The following RASA1 variants were observed in gnomAD, a reference collection of about 807,000 sequenced individuals.
RASA1 encodes the protein ras GTPase-activating protein 1.
In RASA1, 25 loss-of-function variants were observed where a neutral mutation model predicts 132.2. The ratio of observed to expected loss-of-function variants is 0.19; its 90% CI spans 0.14 to 0.26. The LOEUF (loss-of-function observed/expected upper bound fraction) is 0.26. RASA1 is among the 10% of genes least tolerant of loss of function. The probability of loss-of-function intolerance (pLI) is 1.00; values close to 1 mark genes in which losing one functional copy is unlikely to be tolerated. For synonymous variants in RASA1, 477 were observed against 449.9 expected, an observed-to-expected ratio of 1.06 and a Z score of -0.76; for missense variants, 964 against 1,299.2, an observed-to-expected ratio of 0.74 and a Z score of 3.97.
chr5:87,379,890 CTA>C (rs763150545), intron 19 of RASA1, 40 bp downstream of exon 19: 2 of 1,584,736 alleles, frequency 1.3e-6, no homozygotes, highest in Admixed American at 3.4e-5. Flanking sequence ...AATTGTGTAT[CTA>C]TGTCTTCAGA....
intron 1 of RASA1, among the ~76,000 whole-genome samples, chr5:87,290,943 A>C (rs1241449385): frequency 1.3e-5 from 2 of 152,212 alleles, no homozygotes; most frequent in Non-Finnish European, 2.9e-5. Context: ...TTTTGTGGCC[A>C]GAAGTTTTCA....
intron 15 of RASA1, 94 bp downstream of exon 15, chr5:87,375,010 A>G: frequency 1.4e-6 from 2 of 1,444,338 alleles, no homozygotes; most frequent in Non-Finnish European, 1.8e-6. Context: ...AATTAAAAAA[A>G]CAGAAATGCA....
intron 9 of RASA1, among the ~76,000 whole-genome samples, chr5:87,362,061 G>C (rs945378637): frequency 2.6e-5 from 4 of 152,136 alleles, no homozygotes; most frequent in African/African-American, 9.7e-5. Flanking sequence ...GAACTGTTAG[G>C]TATTTGAAGT....
At chr5:87,329,999 A>T (rs1757494846) in intron 1 of RASA1, among the ~76,000 whole-genome samples, 1 of 152,126 alleles carries the variant, frequency 6.6e-6, no homozygotes, top group African/African-American at 2.4e-5. Flanking sequence ...CTGAACTAAG[A>T]TTAGGATTTT....
At chr5:87,278,398 A>T (rs1469249347) in intron 1 of RASA1, among the ~76,000 whole-genome samples, 1 of 151,604 alleles carries the variant, frequency 6.6e-6, no homozygotes. Context: ...TACAAAAAAA[A>T]AAAAAAATTA....
At chr5:87,323,430 C>A (rs1756972418) in intron 1 of RASA1, among the ~76,000 whole-genome samples, 1 of 152,204 alleles carries the variant, frequency 6.6e-6, no homozygotes, top group African/African-American at 2.4e-5. Flanking sequence ...TGGATAATGC[C>A]TGTTCCCCTG....
intron 1 of RASA1, among the ~76,000 whole-genome samples, chr5:87,324,087 T>C (rs1467237221): frequency 6.6e-6 from 1 of 152,224 alleles, no homozygotes; most frequent in Non-Finnish European, 1.5e-5. Flanking sequence ...TAAAGTTTAC[T>C]TTTAACCTTC....
intron 6 of RASA1, among the ~76,000 whole-genome samples, chr5:87,342,642 G>A (rs963116846): frequency 2.6e-5 from 4 of 152,096 alleles, no homozygotes; most frequent in African/African-American, 9.7e-5. Context: ...AAACAACACT[G>A]TACGTGTGGT....
intron 1 of RASA1, among the ~76,000 whole-genome samples, chr5:87,324,101 C>G (rs373397154): frequency 3.9e-5 from 6 of 152,122 alleles, no homozygotes; most frequent in Non-Finnish European, 7.4e-5. Flanking sequence ...AACCTTCAGA[C>G]GTAGTGATTT....
At chr5:87,305,799 C>T (rs1755581299) in intron 1 of RASA1, among the ~76,000 whole-genome samples, 1 of 152,052 alleles carries the variant, frequency 6.6e-6, no homozygotes, top group Non-Finnish European at 1.5e-5. Flanking sequence ...GGAAAAGAAT[C>T]CATTAAAATG....
intron 18 of RASA1, among the ~76,000 whole-genome samples, chr5:87,379,160 T>C (rs1284094558): frequency 6.6e-6 from 1 of 152,196 alleles, no homozygotes; most frequent in African/African-American, 2.4e-5. Flanking sequence ...ATGTTAATCC[T>C]GCACGAAGGT....
chr5:87,348,233 T>A (rs551589104), intron 7 of RASA1, among the ~76,000 whole-genome samples: 38 of 152,166 alleles, frequency 2.5e-4, no homozygotes, highest in African/African-American at 8.9e-4. Flanking sequence ...TTTTTTTCTT[T>A]TTACTGAACA....
At chr5:87,385,187 G>A (rs952930947) in intron 21 of RASA1, 114 bp from the exon 22 acceptor site, 3 of 745,262 alleles carry the variant, frequency 4.0e-6, no homozygotes, top group Non-Finnish European at 7.3e-6. Context: ...GTTCCGAATG[G>A]AAGAATGGGT....
intron 23 of RASA1, among the ~76,000 whole-genome samples, chr5:87,389,049 C>T (rs955305788): frequency 5.3e-5 from 8 of 152,022 alleles, no homozygotes; most frequent in African/African-American, 1.9e-4. Context: ...ATCATTAATA[C>T]TGAATATTAT....
At chr5:87,287,777 T>TATATATACC (rs1580202739) in intron 1 of RASA1, among the ~76,000 whole-genome samples, 3 of 71,066 alleles carry the variant, frequency 4.2e-5, no homozygotes, top group East Asian at 8.3e-4. Context: ...AGATATACCA[T>TATATATACC]ATATGTACAC....
intron 1 of RASA1, among the ~76,000 whole-genome samples, chr5:87,298,225 T>C (rs1283848258): frequency 2.0e-5 from 3 of 151,392 alleles, no homozygotes; most frequent in African/African-American, 4.9e-5. Context: ...CTGGCTAACA[T>C]GGTGAAACCC....
intron 1 of RASA1, among the ~76,000 whole-genome samples, chr5:87,272,642 T>C (rs950602057): frequency 2.0e-5 from 3 of 152,160 alleles, no homozygotes; most frequent in Non-Finnish European, 4.4e-5. Context: ...CCCATAACTG[T>C]AATATTTTAC....
At chr5:87,315,667 T>C (rs1200476044) in intron 1 of RASA1, among the ~76,000 whole-genome samples, 1 of 152,194 alleles carries the variant, frequency 6.6e-6, no homozygotes, top group Non-Finnish European at 1.5e-5. Context: ...TTAGAATGTT[T>C]AATATGGGAG....
chr5:87,349,419 TGATAATACAGTATTCA>T, intron 8 of RASA1, 55 bp downstream of exon 8: 1 of 1,576,924 alleles, frequency 6.3e-7, no homozygotes, highest in Non-Finnish European at 8.7e-7. Context: ...GTTGAAATCT[TGATAATACAGTATTCA>T]GAGTCAAAAT....
Sources: allele counts gnomAD v4.1 joint callset (sites outside exome capture counted in the v4.1 genomes callset), GRCh38; gene constraint gnomAD v4.1.1; transcripts MANE v1.5; gene names NCBI Gene and HGNC (gene_info 2026-07-23, HGNC 2026-07-21).